EFHC2: variants seen among roughly 807,000 people sequenced by gnomAD.
EFHC2 encodes the protein EF-hand domain-containing family member C2.
A neutral mutation model predicts 52.7 loss-of-function variants in EFHC2; 18 were observed. That is an observed-to-expected ratio of 0.34 (90% confidence interval 0.24 to 0.51). EFHC2 has a LOEUF of 0.51. Ranked by LOEUF, EFHC2 falls within the 20% of genes least tolerant of loss-of-function variation. EFHC2 has a pLI of 0.97. For missense variants in EFHC2, 513 were observed against 562.5 expected (o/e 0.91, Z 0.89); for synonymous variants, 203 against 204.1 (o/e 0.99, Z 0.04).
At chrX:44,270,818 A>G (rs1002243417) in intron 3 of EFHC2, among the ~76,000 whole-genome samples, 1 of 110,712 alleles carries the variant, frequency 9.0e-6, no homozygotes, top group African/African-American at 3.3e-5. Context: ...ATGGCCAGGC[A>G]CACTTCTCCC....
intron 2 of EFHC2, among the ~76,000 whole-genome samples, chrX:44,302,974 T>A (rs1031816743): frequency 8.9e-6 from 1 of 112,037 alleles, no homozygotes; most frequent in African/African-American, 3.2e-5. Context: ...AGAATCTGTA[T>A]TTACGTATTG....
At chrX:44,259,164 T>C (rs190379911) in intron 4 of EFHC2, among the ~76,000 whole-genome samples, 250 of 112,085 alleles carry the variant, frequency 2.2e-3, no homozygotes, top group African/African-American at 7.8e-3. Context: ...TCATCAATGA[T>C]AGACTGGATA....
intron 14 of EFHC2, among the ~76,000 whole-genome samples, chrX:44,149,117 G>A (rs1008901180): frequency 4.5e-5 from 5 of 111,937 alleles, no homozygotes; most frequent in South Asian, 3.7e-4. Context: ...AGAACCTCCT[G>A]TGGAGTAAGA....
At chrX:44,222,253 G>C (rs2037199612) in intron 11 of EFHC2, among the ~76,000 whole-genome samples, 1 of 111,076 alleles carries the variant, frequency 9.0e-6, no homozygotes, top group Non-Finnish European at 1.9e-5. Flanking sequence ...GAGACAATAA[G>C]GACTTGTAGA....
intron 11 of EFHC2, among the ~76,000 whole-genome samples, chrX:44,224,973 A>C (rs941245951): frequency 1.8e-5 from 2 of 111,186 alleles, no homozygotes; most frequent in Non-Finnish European, 3.8e-5. Flanking sequence ...GGGAAGCCCC[A>C]CCCTGCCTAT....
chrX:44,280,030 TACACACACACACACAC>T (rs766337222), intron 2 of EFHC2, among the ~76,000 whole-genome samples: 94 of 66,821 alleles, frequency 1.4e-3, no homozygotes, highest in African/African-American at 5.5e-3. Context: ...CCATCCCCCA[TACACACACACACACAC>T]ACACACACAC....
chrX:44,171,413 C>T (rs2036744735), intron 13 of EFHC2, among the ~76,000 whole-genome samples: 1 of 111,398 alleles, frequency 9.0e-6, no homozygotes, highest in African/African-American at 3.3e-5. Flanking sequence ...AAGGTCACCT[C>T]ATCATTTAGG....
intron 14 of EFHC2, among the ~76,000 whole-genome samples, chrX:44,159,702 C>T (rs754417602): frequency 8.9e-6 from 1 of 112,182 alleles, no homozygotes; most frequent in African/African-American, 3.2e-5. Context: ...AATTTCTCAC[C>T]GTAAATGAAT....
intron 11 of EFHC2, among the ~76,000 whole-genome samples, chrX:44,185,416 T>C (rs2036866470): frequency 8.9e-6 from 1 of 112,161 alleles, no homozygotes; most frequent in Non-Finnish European, 1.9e-5. Context: ...TATAAAGATA[T>C]GCTATCTTTA....
chrX:44,196,625 G>A (rs1422137486), intron 11 of EFHC2, among the ~76,000 whole-genome samples: 2 of 111,860 alleles, frequency 1.8e-5, no homozygotes, highest in Non-Finnish European at 3.8e-5. Context: ...CAGAGTCAAG[G>A]AAAAAGATTT....
intron 10 of EFHC2, among the ~76,000 whole-genome samples, chrX:44,231,631 T>A (rs2037278293): frequency 9.0e-6 from 1 of 111,028 alleles, no homozygotes; most frequent in South Asian, 3.9e-4. Flanking sequence ...TCCAAACTGA[T>A]ATGAATGATG....
In EFHC2 at chrX:44,237,314, A is replaced by G. The variant is rs149532838; in HGVS notation, c.1281-1867T>C. On this transcript the variant is annotated intron_variant, in intron 8 of 14. Transcript: ENST00000420999. ...GTTTTCAGATATTTCCCTAATAACT[A>G]CTTTTCAAACTTCCCAGAATATTCT... Among the ~76,000 whole-genome samples the G allele has an allele frequency of 6.5e-3, 723 of 111,713 alleles. 10 individuals carry two copies. The highest frequency in any genetic ancestry group is 0.023 in the African/African-American group (693 of 30,715).
At chrX:44,335,670 G>A (rs963742195) in intron 1 of EFHC2, among the ~76,000 whole-genome samples, 5 of 111,828 alleles carry the variant, frequency 4.5e-5, no homozygotes, top group African/African-American at 9.7e-5. Flanking sequence ...ATGTACTTAT[G>A]AAGCAAGATT....
intron 2 of EFHC2, among the ~76,000 whole-genome samples, chrX:44,308,251 T>TA (rs2037920323): frequency 9.0e-6 from 1 of 111,296 alleles, no homozygotes; most frequent in African/African-American, 3.3e-5. Flanking sequence ...TTTCACCACT[T>TA]AACAGGAGCA....
Position 44,312,710 on chromosome X carries a change from T to C in EFHC2, c.89A>G (p.Asn30Ser), listed in dbSNP as rs770731060. ...FHKSQHWGFC[N>S]NVMMLVSDEK... ...ATCACTCACCAACATCATAACATTG[T>C]TGCAAAAGCCCCAATGTTGGGATTT... The change falls in exon 2 of 15, where the codon AAC (asparagine) becomes AGC (serine). Residue 30 changes from asparagine (N) to serine (S), a missense_variant. Physicochemically the swap from Asn to Ser is conservative, Grantham distance 46 (BLOSUM62 1). Coordinates refer to ENST00000420999, the MANE Select transcript of EFHC2 (RefSeq NM_025184.4). 4 of 1,206,316 alleles carry C rather than the reference T, an allele frequency of 3.3e-6. No homozygotes were observed. The African/African-American group carries it at 7.0e-5, about 21-fold the overall frequency.
chrX:44,286,701 T>C (rs1602198521), intron 2 of EFHC2, among the ~76,000 whole-genome samples: 1 of 111,224 alleles, frequency 9.0e-6, no homozygotes, highest in African/African-American at 3.3e-5. Flanking sequence ...TTGTATATTA[T>C]AGGAATTCTA....
At chrX:44,225,641 C>A (rs779167185) in intron 11 of EFHC2, 5 of 112,426 alleles carry the variant, frequency 4.4e-5, no homozygotes, top group African/African-American at 1.3e-4. Context: ...TCTCAATGTA[C>A]AAATTTGAAA....
chrX:44,320,607 A>G (rs2038012338), intron 1 of EFHC2, among the ~76,000 whole-genome samples: 1 of 111,020 alleles, frequency 9.0e-6, no homozygotes, highest in Non-Finnish European at 1.9e-5. Flanking sequence ...GATCAACAGC[A>G]TTAGCCTCTC....
At chrX:44,322,037 T>A (rs1289421605) in intron 1 of EFHC2, among the ~76,000 whole-genome samples, 1 of 111,380 alleles carries the variant, frequency 9.0e-6, no homozygotes, top group Non-Finnish European at 1.9e-5. Context: ...TTTAACTATT[T>A]AGGAACTTAC....
Sources: allele counts gnomAD v4.1 joint callset (sites outside exome capture counted in the v4.1 genomes callset), GRCh38; gene constraint gnomAD v4.1.1; transcripts MANE v1.5; gene names NCBI Gene and HGNC (gene_info 2026-07-23, HGNC 2026-07-21).